The following TTC7B variants were observed in gnomAD, a reference collection of about 807,000 sequenced individuals.
TTC7B encodes the protein tetratricopeptide repeat domain 7B.
TTC7B carries 28 observed loss-of-function variants against 106.8 expected under a neutral mutation model. The observed-to-expected ratio is 0.26, with a 90% CI of 0.19 to 0.36. The LOEUF is 0.36. Ranked by LOEUF, TTC7B falls within the 10% of genes least tolerant of loss-of-function variation. TTC7B has a pLI of 1.00. For missense variants in TTC7B, 862 were observed against 1,076.4 expected (o/e 0.80, Z 2.79); for synonymous variants, 405 against 430.6 (o/e 0.94, Z 0.74).
chr14:90,693,266 G>C (rs1480888766), intron 6 of TTC7B, among the ~76,000 whole-genome samples: 1 of 152,028 alleles, frequency 6.6e-6, no homozygotes, highest in East Asian at 1.9e-4. Flanking sequence ...GCTGTGTAGG[G>C]CAAGTTATAG....
intron 5 of TTC7B, among the ~76,000 whole-genome samples, chr14:90,721,991 G>T (rs530895040): frequency 6.6e-6 from 1 of 152,282 alleles, no homozygotes; most frequent in East Asian, 1.9e-4. Context: ...CGGATTTTCC[G>T]AATAGAAACT....
At chr14:90,594,720 C>T (rs370870614) in intron 17 of TTC7B, among the ~76,000 whole-genome samples, 2 of 152,252 alleles carry the variant, frequency 1.3e-5, no homozygotes, top group East Asian at 3.9e-4. Context: ...AATGCGACTA[C>T]AAAATAAATG....
At chr14:90,700,911 T>A (rs1887957456) in intron 5 of TTC7B, among the ~76,000 whole-genome samples, 1 of 151,760 alleles carries the variant, frequency 6.6e-6, no homozygotes, top group Non-Finnish European at 1.5e-5. Flanking sequence ...GAAGAACAGA[T>A]ACCCTTCACA....
intron 18 of TTC7B, among the ~76,000 whole-genome samples, chr14:90,588,592 G>A (rs1306312783): frequency 6.6e-6 from 1 of 152,144 alleles, no homozygotes; most frequent in Non-Finnish European, 1.5e-5. Flanking sequence ...ATGTCTTGAG[G>A]TGCCACATCC....
Position 90,744,064 on chromosome 14 carries a change from T to A in TTC7B, c.576+728A>T, listed in dbSNP as rs146505041. On this transcript the variant is annotated intron_variant, in intron 4 of 19. Transcript: ENST00000328459. ...GGGATACCCGATGTACTCAGCTCGG[T>A]CTACTTCGGTCCACGTCCCCAGCAC... 2.0e-3 allele frequency among the ~76,000 whole-genome samples: 299 copies of A among 152,356 alleles called. 5 individuals carry two copies. Among genetic ancestry groups the A allele is most frequent in the African/African-American group, 7.0e-3 (291 of 41,580 alleles).
chr14:90,744,156 T>C (rs1298333413), intron 4 of TTC7B, among the ~76,000 whole-genome samples: 2 of 152,184 alleles, frequency 1.3e-5, no homozygotes, highest in Non-Finnish European at 2.9e-5. Flanking sequence ...ACAGAGTCCA[T>C]ACAAGTACAA....
intron 4 of TTC7B, among the ~76,000 whole-genome samples, chr14:90,737,863 T>G (rs924749587): frequency 1.3e-5 from 2 of 152,300 alleles, no homozygotes; most frequent in African/African-American, 2.4e-5. Flanking sequence ...AATGTATGAT[T>G]CTATTTCTAT....
At chr14:90,580,924 A>C (rs1436254320) in intron 18 of TTC7B, among the ~76,000 whole-genome samples, 1 of 152,114 alleles carries the variant, frequency 6.6e-6, no homozygotes, top group Non-Finnish European at 1.5e-5. Flanking sequence ...TGTGTATCTC[A>C]TGGCTGTGGT....
In TTC7B at chr14:90,624,438, C is replaced by T. The variant is rs769160053; in HGVS notation, c.1752-6393G>A. Among the ~76,000 whole-genome samples the T allele has an allele frequency of 6.6e-6, 1 of 152,132 alleles. No individual in the cohort carries two copies. Among genetic ancestry groups the T allele is most frequent in the Non-Finnish European group, 1.5e-5 (1 of 68,026 alleles). ...TCAGGGCCATGCTCGGTGTCTCATG[C>T]CATTCCCCAGGAAGACTTCGCTGAC... On this transcript the variant is annotated intron_variant, in intron 15 of 19. Transcript: ENST00000328459. This position sits in a 1 kb window ranked among gnomAD's most constrained non-coding sequence, Gnocchi z 4.0.
intron 1 of TTC7B, among the ~76,000 whole-genome samples, chr14:90,815,141 C>A (rs1215874424): frequency 6.6e-6 from 1 of 152,192 alleles, no homozygotes; most frequent in Non-Finnish European, 1.5e-5. Flanking sequence ...TTTGTTCAGC[C>A]AACATGTGCT....
intron 19 of TTC7B, among the ~76,000 whole-genome samples, chr14:90,574,456 T>G (rs768025082): frequency 1.3e-4 from 20 of 152,176 alleles, no homozygotes; most frequent in Non-Finnish European, 2.6e-4. Context: ...AATAAACACA[T>G]GATTTCTCTG....
Position 90,781,842 on chromosome 14 carries a change from T to C in TTC7B, c.277-936A>G, listed in dbSNP as rs552701746. ...CAGTCAGCAAGGCTGGCCTGGCCAG[T>C]CCCCCTCTCCCCAAAGCCTCATCAT... On this transcript the variant is annotated intron_variant, in intron 2 of 19. Transcript: ENST00000328459. Among the ~76,000 whole-genome samples the C allele has an allele frequency of 6.6e-5, 10 of 152,068 alleles. No individual in the cohort carries two copies. In the South Asian group the frequency reaches 2.1e-3, roughly 32 times the overall value.
Position 90,816,159 on chromosome 14 carries a change from C to T in TTC7B, c.121+16G>A, listed in dbSNP as rs372019939. The T allele has an allele frequency of 8.8e-5, 107 of 1,209,820 alleles. No individual in the cohort carries two copies. In the African/African-American group the frequency reaches 1.6e-3, roughly 18 times the overall value. The allele number at this position is 1,209,820 out of a possible 1,614,324, so 74.9% of individuals were successfully genotyped here. A position where few individuals can be genotyped will look rare whatever the true frequency, so the allele number is the denominator to read the frequency against. On this transcript the variant is annotated intron_variant, in intron 1 of 19. Coordinates refer to ENST00000328459, the MANE Select transcript of TTC7B (RefSeq NM_001010854.2). ...CGGCGCCCCCCGCAGCCCAGGCCGG[C>T]GCGCCCGGAGCGTACCGTTGGCGAT... is the stretch of plus-strand genomic sequence containing the variant.
chr14:90,593,579 G>A lies in TTC7B; in HGVS notation c.2014C>T (p.Leu672=). The change falls in exon 18 of 20, where the codon CTG becomes TTG. Residue 672 remains leucine, a synonymous_variant. Coordinates refer to ENST00000328459, the MANE Select transcript of TTC7B (RefSeq NM_001010854.2). ...TGCAGAGACGAAGCCACTTCCGACA[G>A]TGCCTGCTCCACTCTTGAGGCTGCT... ...SVAASRVEQA[L]SEVASSLQSS... is the part of the protein sequence containing the mutation. 5 of 1,612,626 alleles carry A rather than the reference G, an allele frequency of 3.1e-6. No individual in the cohort carries two copies. The highest frequency in any genetic ancestry group is 4.2e-6 in the Non-Finnish European group (5 of 1,179,112).
At chr14:90,696,317 G>A (rs1566841671) in intron 5 of TTC7B, among the ~76,000 whole-genome samples, 1 of 152,142 alleles carries the variant, frequency 6.6e-6, no homozygotes, top group Non-Finnish European at 1.5e-5. Flanking sequence ...AGCCCCACTT[G>A]TCCTCTCTGA....
At position 90,721,478 on chromosome 14, in the gene TTC7B, G is replaced by A. The variant is rs151098519; in HGVS notation, c.698+8597C>T. On this transcript the variant is annotated intron_variant, in intron 5 of 19. Transcript: ENST00000328459. The stretch of plus-strand genomic sequence containing the variant: ...ACATTTAAACAGAACAGATAAGATC[G>A]GGCTGATGCTTTTTATTCATACATA... Among the ~76,000 whole-genome samples the A allele has an allele frequency of 3.0e-3, 457 of 152,228 alleles. 3 individuals are homozygous for A. Among genetic ancestry groups the A allele is most frequent in the African/African-American group, 0.01 (421 of 41,522 alleles).
rs1889270112 is a variant in TTC7B at position 90,530,996 on chromosome 14, G to A, written c.*10372C>T. ...TTCTATAGAATTTGAAGAACAAAAT[G>A]TAAATCTGCATAAATCTCTGTTAAT... On this transcript the variant is annotated 3_prime_UTR_variant, in exon 20 of 20. Transcript: ENST00000328459. 6.6e-6 allele frequency: 1 copy of A among 151,958 alleles called. No homozygotes were observed. Among genetic ancestry groups the A allele is most frequent in the South Asian group, 2.1e-4 (1 of 4,824 alleles). 9.4% of individuals were successfully genotyped at this position (151,958 alleles called of 1,614,324 possible).
At chr14:90,745,023 A>G in intron 3 of TTC7B, 101 bp from the exon 4 acceptor site, 2 of 1,181,362 alleles carry the variant, frequency 1.7e-6, no homozygotes, top group Non-Finnish European at 2.4e-6. Context: ...GTAGAATATC[A>G]TGTTGTTTGC....
At position 90,577,839 on chromosome 14, in the gene TTC7B, G is replaced by T. The variant is rs1891319726; in HGVS notation, c.2310+267C>A. ...TTATCAAACCCAGAGCCACAGGGTG[G>T]CTTAGACTGCTGGCCAGGAGACCAC... On this transcript the variant is annotated intron_variant, in intron 19 of 19. Coordinates refer to ENST00000328459, the MANE Select transcript of TTC7B (RefSeq NM_001010854.2). This position sits in a 1 kb window ranked among gnomAD's most constrained non-coding sequence, Gnocchi z 5.0. Among the ~76,000 whole-genome samples the T allele has an allele frequency of 6.6e-6, 1 of 152,268 alleles. No individual in the cohort carries two copies. The highest frequency in any genetic ancestry group is 2.4e-5 in the African/African-American group (1 of 41,474).
Sources: allele counts gnomAD v4.1 joint callset (sites outside exome capture counted in the v4.1 genomes callset), GRCh38; gene constraint gnomAD v4.1.1; non-coding constraint Gnocchi (gnomAD v3.1); transcripts MANE v1.5; gene names NCBI Gene and HGNC (gene_info 2026-07-23, HGNC 2026-07-21).